The following QKI variants were observed in gnomAD, a reference collection of about 807,000 sequenced individuals.
QKI encodes the protein KH domain-containing RNA-binding protein QKI.
Under a neutral mutation model 39.0 loss-of-function variants are expected in QKI, and 10 were observed. That is an observed-to-expected ratio of 0.26 (90% confidence interval 0.16 to 0.43). The LOEUF is 0.43. Ranked by LOEUF, QKI falls within the 20% of genes least tolerant of loss-of-function variation. The pLI is 1.00. For missense variants in QKI, 218 were observed against 428.0 expected, an observed-to-expected ratio of 0.51 and a Z score of 4.33; for synonymous variants, 204 against 155.4, an observed-to-expected ratio of 1.31 and a Z score of -2.33.
At chr6:163,566,935 T>C (rs1259300034) in intron 7 of QKI, 140 bp downstream of exon 7, 1 of 1,442,826 alleles carries the variant, frequency 6.9e-7, no homozygotes, top group Admixed American at 2.9e-5. Flanking sequence ...TTGTGATCAT[T>C]GACAGATTTA....
rs1783847091 is a variant in QKI at position 163,574,104 on chromosome 6, T to G, written c.*3394T>G. ...TTCTCTTGCCACTTGCCTTTCAGCATCTGCATTACTAATTCCACACCTTAT... is the reference window on the plus strand; with the variant it reads ...TTCTCTTGCCACTTGCCTTTCAGCAGCTGCATTACTAATTCCACACCTTAT... On this transcript the variant is annotated 3_prime_UTR_variant, in exon 8 of 8. Coordinates refer to ENST00000361752, the MANE Select transcript of QKI (RefSeq NM_006775.3). 1 of 152,214 alleles carries G rather than the reference T, an allele frequency of 6.6e-6. No homozygotes were observed. Among genetic ancestry groups the G allele is most frequent in the African/African-American group, 2.4e-5 (1 of 41,444 alleles). 9.4% of individuals were successfully genotyped at this position (152,214 alleles called of 1,614,324 possible).
At chr6:163,544,981 T>C (rs1781778542) in intron 4 of QKI, among the ~76,000 whole-genome samples, 1 of 152,100 alleles carries the variant, frequency 6.6e-6, no homozygotes, top group African/African-American at 2.4e-5. Context: ...TGTTGAACCA[T>C]TAATAAAACT....
Position 163,472,982 on chromosome 6 carries a change from C to T in QKI, c.286-5798C>T, listed in dbSNP as rs560388460. Among the ~76,000 whole-genome samples, 182 of 151,786 alleles carry T rather than the reference C, an allele frequency of 1.2e-3. 10 individuals carry two copies. In the South Asian group the frequency reaches 0.034, roughly 28 times the overall value. ...AAGGGAAAAAGAACAGCAGATTAAA[C>T]GAAGGAAGTAGAAGGAAGGAAATAA... is the stretch of plus-strand genomic sequence containing the variant. On this transcript the variant is annotated intron_variant, in intron 2 of 7. Transcript: ENST00000361752.
At chr6:163,482,905 T>C (rs1255858072) in intron 3 of QKI, among the ~76,000 whole-genome samples, 1 of 152,160 alleles carries the variant, frequency 6.6e-6, no homozygotes, top group South Asian at 2.1e-4. Flanking sequence ...CCTTAGAGGT[T>C]GGGGAATGAG....
At chr6:163,497,425 T>TA (rs1239760864) in intron 3 of QKI, among the ~76,000 whole-genome samples, 1 of 152,136 alleles carries the variant, frequency 6.6e-6, no homozygotes, top group East Asian at 1.9e-4. Flanking sequence ...TTCTGTATGT[T>TA]AAAAATGAAA....
intron 4 of QKI, among the ~76,000 whole-genome samples, chr6:163,556,981 T>C (rs1782669521): frequency 6.6e-6 from 1 of 152,212 alleles, no homozygotes; most frequent in South Asian, 2.1e-4. Context: ...ACTCTACTCA[T>C]AGGTATTTAT....
chr6:163,487,691 C>G (rs1777767346), intron 3 of QKI, among the ~76,000 whole-genome samples: 1 of 152,000 alleles, frequency 6.6e-6, no homozygotes, highest in Non-Finnish European at 1.5e-5. Flanking sequence ...TAACATTTAT[C>G]TCTGTTCCCC....
intron 4 of QKI, among the ~76,000 whole-genome samples, chr6:163,553,094 ATTTATTTATTTATTTATT>A (rs1461643190): frequency 2.5e-5 from 3 of 120,086 alleles, no homozygotes; most frequent in African/African-American, 1.1e-4. Context: ...TTATTTATTT[ATTTATTTATTTATTTATT>A]TATTTTTTGA....
chr6:163,439,603 C>G (rs1307882158), intron 1 of QKI, among the ~76,000 whole-genome samples: 1 of 150,814 alleles, frequency 6.6e-6, no homozygotes, highest in Non-Finnish European at 1.5e-5. Context: ...ATCCACTTAT[C>G]TCGGCCTCCC....
intron 3 of QKI, among the ~76,000 whole-genome samples, chr6:163,533,778 C>CG (rs2128240965): frequency 6.6e-6 from 1 of 152,180 alleles, no homozygotes; most frequent in South Asian, 2.1e-4. Flanking sequence ...AGGATTGTGT[C>CG]TGATTTTTTT....
intron 3 of QKI, among the ~76,000 whole-genome samples, chr6:163,521,818 G>A (rs1167069891): frequency 6.6e-6 from 1 of 152,112 alleles, no homozygotes; most frequent in Non-Finnish European, 1.5e-5. Flanking sequence ...ACCATGCCAG[G>A]CCTGTATTTT....
At position 163,415,138 on chromosome 6, in the gene QKI, C is replaced by G. The variant is rs1369652828; in HGVS notation, c.-56C>G. ...CCGGGGCTCGCCCCCGCCCCTCCCTCCTCTCCGGCGGCGGCGGCGGCGGCG... is the reference window on the plus strand; with the variant it reads ...CCGGGGCTCGCCCCCGCCCCTCCCTGCTCTCCGGCGGCGGCGGCGGCGGCG... On this transcript the variant is annotated 5_prime_UTR_variant, in exon 1 of 8. Transcript: ENST00000361752. The G allele has an allele frequency of 2.2e-6, 3 of 1,348,462 alleles. No individual in the cohort carries two copies. Among genetic ancestry groups the G allele is most frequent in the Middle Eastern group, 2.2e-4 (1 of 4,594 alleles). 83.5% of individuals were successfully genotyped at this position (1,348,462 alleles called of 1,614,324 possible).
chr6:163,464,659 G>A (rs1324264161), intron 2 of QKI, among the ~76,000 whole-genome samples: 1 of 152,100 alleles, frequency 6.6e-6, no homozygotes, highest in Non-Finnish European at 1.5e-5. Context: ...AGTCTGAACA[G>A]ACCTATAATG....
At chr6:163,528,792 T>C (rs1198508983) in intron 3 of QKI, among the ~76,000 whole-genome samples, 1 of 152,230 alleles carries the variant, frequency 6.6e-6, no homozygotes, top group Non-Finnish European at 1.5e-5. Context: ...TTGAATTTGC[T>C]GTATAAATAG....
At chr6:163,554,220 G>A (rs1342617129) in intron 4 of QKI, among the ~76,000 whole-genome samples, 1 of 152,200 alleles carries the variant, frequency 6.6e-6, no homozygotes, top group Non-Finnish European at 1.5e-5. Flanking sequence ...GAAGCATGGA[G>A]CCAGGAGACA....
chr6:163,445,507 G>A (rs1790079286), intron 1 of QKI, among the ~76,000 whole-genome samples: 2 of 151,790 alleles, frequency 1.3e-5, no homozygotes, highest in South Asian at 4.2e-4. Flanking sequence ...TTGAATTTGG[G>A]TTTGTTTGAT....
At chr6:163,525,441 C>G (rs1780444076) in intron 3 of QKI, among the ~76,000 whole-genome samples, 1 of 152,036 alleles carries the variant, frequency 6.6e-6, no homozygotes, top group Non-Finnish European at 1.5e-5. Flanking sequence ...TCACTGCAGC[C>G]TCTGCCTCCC....
chr6:163,464,075 T>G (rs935776598), intron 2 of QKI, among the ~76,000 whole-genome samples: 1 of 152,218 alleles, frequency 6.6e-6, no homozygotes, highest in Non-Finnish European at 1.5e-5. Context: ...TAGAGTACTT[T>G]GTACCCACCT....
At chr6:163,499,621 A>G (rs371224640) in intron 3 of QKI, among the ~76,000 whole-genome samples, 8 of 152,152 alleles carry the variant, frequency 5.3e-5, no homozygotes, top group African/African-American at 1.9e-4. Flanking sequence ...CCCTCATACA[A>G]TGTTTCCAGT....
Sources: allele counts gnomAD v4.1 joint callset (sites outside exome capture counted in the v4.1 genomes callset), GRCh38; gene constraint gnomAD v4.1.1; transcripts MANE v1.5; gene names NCBI Gene and HGNC (gene_info 2026-07-23, HGNC 2026-07-21).